Variants in PIK3C2G observed in about 807,000 individuals in gnomAD.
PIK3C2G encodes the protein phosphatidylinositol-4-phosphate 3-kinase catalytic subunit type 2 gamma.
In PIK3C2G, 168 loss-of-function variants were observed where a neutral mutation model predicts 181.1. That is an observed-to-expected ratio of 0.93 (90% CI 0.82 to 1.05). The LOEUF is 1.05. Among genes scored for constraint, PIK3C2G ranks in the 50% least tolerant of loss-of-function variants. The pLI, the probability that PIK3C2G is intolerant of heterozygous loss-of-function variation, is 0.00. For missense variants in PIK3C2G, 1,869 were observed against 1,732.8 expected, an observed-to-expected ratio of 1.08 and a Z score of -1.40; for synonymous variants, 573 against 592.2, an observed-to-expected ratio of 0.97 and a Z score of 0.47.
intron 24 of PIK3C2G, among the ~76,000 whole-genome samples, chr12:18,525,996 T>G (rs1479885260): frequency 6.6e-6 from 1 of 152,192 alleles, no homozygotes; most frequent in African/African-American, 2.4e-5. Flanking sequence ...CCAATACTAT[T>G]CACAAAAATT....
chr12:18,313,141 G>C (rs1950709406), intron 5 of PIK3C2G, among the ~76,000 whole-genome samples: 1 of 152,068 alleles, frequency 6.6e-6, no homozygotes, highest in East Asian at 1.9e-4. Flanking sequence ...AAAATTTAAA[G>C]CTGTAAAGGG....
chr12:18,616,256 C>A (rs748018067), intron 31 of PIK3C2G, among the ~76,000 whole-genome samples: 4 of 151,970 alleles, frequency 2.6e-5, no homozygotes, highest in African/African-American at 9.7e-5. Context: ...ATTGAGAATT[C>A]GCTGAGTATA....
chr12:18,448,881 C>G (rs957103233), intron 18 of PIK3C2G, among the ~76,000 whole-genome samples: 1 of 150,052 alleles, frequency 6.7e-6, no homozygotes, highest in African/African-American at 2.5e-5. Flanking sequence ...CCATCCTCCC[C>G]AACCACTGAT....
At chr12:18,613,182 T>G (rs1440146207) in intron 31 of PIK3C2G, among the ~76,000 whole-genome samples, 1 of 152,140 alleles carries the variant, frequency 6.6e-6, no homozygotes, top group African/African-American at 2.4e-5. Context: ...TCATGGATTT[T>G]TTTCTAGTCT....
At chr12:18,614,892 AC>A (rs769151400) in intron 31 of PIK3C2G, among the ~76,000 whole-genome samples, 19 of 152,182 alleles carry the variant, frequency 1.2e-4, no homozygotes, top group Non-Finnish European at 2.2e-4. Context: ...ATTCTGAATT[AC>A]TTATTTCTAT....
At position 18,526,447 on chromosome 12, in the gene PIK3C2G, C is replaced by G. The variant is rs529901961; in HGVS notation, c.3324-11709C>G. On this transcript the variant is annotated intron_variant, in intron 24 of 32. Transcript: ENST00000538779. ...GAGTGTTTTAAGGATATCTTTGTAG[C>G]CTAAGCACCAAGCATAGAGCAGAGG... Among the ~76,000 whole-genome samples the G allele has an allele frequency of 4.9e-4, 75 of 152,202 alleles. 1 individual carries two copies. In the East Asian group the frequency reaches 9.7e-3, roughly 20 times the overall value.
chr12:18,541,301 C>T (rs1189988705), intron 25 of PIK3C2G, among the ~76,000 whole-genome samples: 1 of 151,824 alleles, frequency 6.6e-6, no homozygotes, highest in Non-Finnish European at 1.5e-5. Context: ...TTTATTTACT[C>T]CTGAGAAAAG....
At chr12:18,643,713 C>G (rs7307206) in intron 32 of PIK3C2G, among the ~76,000 whole-genome samples, 17,214 of 151,784 alleles carry the variant, frequency 0.11, 1,146 homozygotes, top group Middle Eastern at 0.19. Context: ...ACCTCAAGAG[C>G]ACCTTACTAG....
chr12:18,429,016 A>G (rs1432699568), intron 18 of PIK3C2G, among the ~76,000 whole-genome samples: 1 of 152,182 alleles, frequency 6.6e-6, no homozygotes, highest in Non-Finnish European at 1.5e-5. Flanking sequence ...GCCTAACCTC[A>G]GAAACCTGTG....
intron 31 of PIK3C2G, among the ~76,000 whole-genome samples, chr12:18,616,043 A>G (rs1592722051): frequency 6.6e-6 from 1 of 152,132 alleles, no homozygotes; most frequent in East Asian, 1.9e-4. Flanking sequence ...ACATCTATTT[A>G]CCTTCTATTT....
intron 16 of PIK3C2G, among the ~76,000 whole-genome samples, chr12:18,417,433 C>T (rs1201338851): frequency 1.3e-5 from 2 of 152,144 alleles, no homozygotes; most frequent in Non-Finnish European, 2.9e-5. Flanking sequence ...AACAGCATCA[C>T]ATACTACAGA....
chr12:18,536,885 CAAT>C (rs1943882218), intron 24 of PIK3C2G, among the ~76,000 whole-genome samples: 1 of 152,030 alleles, frequency 6.6e-6, no homozygotes, highest in African/African-American at 2.4e-5. Context: ...TGTATGTGCT[CAAT>C]AAATTTTGTT....
intron 29 of PIK3C2G, among the ~76,000 whole-genome samples, chr12:18,592,338 A>C (rs977158802): frequency 2.6e-5 from 4 of 151,892 alleles, no homozygotes; most frequent in Non-Finnish European, 5.9e-5. Flanking sequence ...AAGTGATGGC[A>C]ATAGAAAGGG....
rs538761400 is a variant in PIK3C2G at position 18,327,861 on chromosome 12, C to T, written c.1272+2763C>T. On this transcript the variant is annotated intron_variant, in intron 8 of 32. Transcript: ENST00000538779. ...AGTTCAAACCATACTCTGAAGTTGT[C>T]GATGATCTAGTTGGAGAGACAGCAT... Among the ~76,000 whole-genome samples the T allele has an allele frequency of 2.0e-5, 3 of 151,926 alleles. No individual in the cohort carries two copies. In the South Asian group the frequency reaches 6.2e-4, roughly 32 times the overall value.
chr12:18,620,539 T>C (rs1452106979), intron 31 of PIK3C2G, among the ~76,000 whole-genome samples: 2 of 137,316 alleles, frequency 1.5e-5, no homozygotes, highest in African/African-American at 7.2e-5. Flanking sequence ...GATAGATAGA[T>C]AGATAGATAG....
At chr12:18,599,693 A>T (rs200774654) in intron 30 of PIK3C2G, among the ~76,000 whole-genome samples, 11 of 98,060 alleles carry the variant, frequency 1.1e-4, no homozygotes, top group African/African-American at 4.2e-4. Flanking sequence ...AAAAAAAATA[A>T]AAATAAAAAT....
At chr12:18,438,913 C>T (rs570533694) in intron 18 of PIK3C2G, among the ~76,000 whole-genome samples, 59 of 151,650 alleles carry the variant, frequency 3.9e-4, no homozygotes, top group African/African-American at 1.4e-3. Context: ...ATATATAATA[C>T]GTATTTATAC....
chr12:18,575,793 TAAAG>T (rs1273099932), intron 29 of PIK3C2G, among the ~76,000 whole-genome samples: 1 of 152,214 alleles, frequency 6.6e-6, no homozygotes, highest in African/African-American at 2.4e-5. Context: ...TTTAGAAACT[TAAAG>T]AACAAAATGA....
At chr12:18,612,441 T>A (rs1948390650) in intron 31 of PIK3C2G, among the ~76,000 whole-genome samples, 1 of 152,092 alleles carries the variant, frequency 6.6e-6, no homozygotes, top group South Asian at 2.1e-4. Context: ...GCCAAGTATA[T>A]AGTAGGTACT....
Sources: allele counts gnomAD v4.1 joint callset (sites outside exome capture counted in the v4.1 genomes callset), GRCh38; gene constraint gnomAD v4.1.1; transcripts MANE v1.5; gene names NCBI Gene and HGNC (gene_info 2026-07-23, HGNC 2026-07-21).